The following RRAGD variants were observed in gnomAD, a reference collection of about 807,000 sequenced individuals.
RRAGD encodes the protein Ras related GTP binding D, also known as ras-related GTP-binding protein D.
RRAGD carries 12 observed loss-of-function variants against 35.5 expected under a neutral mutation model. The observed-to-expected ratio is 0.34, with a 90% CI of 0.22 to 0.55. The LOEUF is 0.55. Among genes scored for constraint, RRAGD ranks in the 20% least tolerant of loss-of-function variants. The probability of loss-of-function intolerance (pLI) is 0.91; values close to 1 mark genes in which losing one functional copy is unlikely to be tolerated. For missense variants in RRAGD, 324 were observed against 490.1 expected, an observed-to-expected ratio of 0.66 and a Z score of 3.20; for synonymous variants, 155 against 178.9, an observed-to-expected ratio of 0.87 and a Z score of 1.07.
chr6:89,370,002 C>T (rs1768828707), intron 6 of RRAGD, among the ~76,000 whole-genome samples: 1 of 152,282 alleles, frequency 6.6e-6, no homozygotes, highest in African/African-American at 2.4e-5. Context: ...CACCCAGGCA[C>T]CAGGCACACC....
chr6:89,410,362 C>T (rs971352914), intron 1 of RRAGD, among the ~76,000 whole-genome samples: 1 of 152,202 alleles, frequency 6.6e-6, no homozygotes, highest in Non-Finnish European at 1.5e-5. Context: ...CCCTATTCTG[C>T]ATCTCTCCGG....
At chr6:89,379,550 T>C (rs1271486622) in intron 3 of RRAGD, among the ~76,000 whole-genome samples, 1 of 152,228 alleles carries the variant, frequency 6.6e-6, no homozygotes, top group African/African-American at 2.4e-5. Flanking sequence ...TCTCATCTGC[T>C]GTGCCTATTC....
chr6:89,389,046 C>T (rs1348126804), intron 1 of RRAGD, among the ~76,000 whole-genome samples: 1 of 152,138 alleles, frequency 6.6e-6, no homozygotes, highest in Non-Finnish European at 1.5e-5. Flanking sequence ...TTCGCTTGCT[C>T]CCCCACTGCT....
intron 1 of RRAGD, among the ~76,000 whole-genome samples, chr6:89,406,649 C>A (rs1769585190): frequency 6.6e-6 from 1 of 152,192 alleles, no homozygotes; most frequent in African/African-American, 2.4e-5. Flanking sequence ...ATCTTGCACT[C>A]ATTCTCCAAG....
rs1003782957 is a variant in RRAGD at position 89,411,945 on chromosome 6, C to T, written c.49G>A (p.Glu17Lys). ...KPQPQDEDDA[E>K]EEEEEDELVG... is the part of the protein sequence containing the mutation. ...AGCTCATCCTCCTCCTCCTCCTCCT[C>T]CGCGTCGTCCTCGTCCTGCGGCTGC... Residue 17 changes from glutamate to lysine, a missense_variant, in exon 1 of 7, where the codon GAG (glutamate) becomes AAG (lysine). Transcript: ENST00000369415. This position sits in a 1 kb window ranked among gnomAD's most constrained non-coding sequence, Gnocchi z 5.6. 4.5e-6 allele frequency: 7 copies of T among 1,539,862 alleles called. No homozygotes were observed. Among genetic ancestry groups the T allele is most frequent in the Non-Finnish European group, 6.1e-6 (7 of 1,146,368 alleles).
At chr6:89,371,943 A>G (rs1348541459) in intron 6 of RRAGD, among the ~76,000 whole-genome samples, 1 of 152,200 alleles carries the variant, frequency 6.6e-6, no homozygotes, top group Non-Finnish European at 1.5e-5. Flanking sequence ...TGTGTTCTGA[A>G]GATTTAAGAA....
chr6:89,412,111 GCCCGGCGGAAGCGGGGGCCGCGCGT>G lies in RRAGD; in HGVS notation c.-143_-119del. The G allele has an allele frequency of 9.8e-7, 1 of 1,016,362 alleles. No individual in the cohort carries two copies. The highest frequency in any genetic ancestry group is 1.3e-6 in the Non-Finnish European group (1 of 779,440). The allele number at this position is 1,016,362 out of a possible 1,614,324, so 63.0% of individuals were successfully genotyped here. ...GGAGGTTTGTCTAGAGCTCAGCGGG[GCCCGGCGGAAGCGGGGGCCGCGCGT>G]CCCCCGGCGGGCGGCGCCCAGGTCC... On this transcript the variant is annotated 5_prime_UTR_variant, in exon 1 of 7. Coordinates refer to ENST00000369415, the MANE Select transcript of RRAGD (RefSeq NM_021244.5). The surrounding 1 kb of genome is among the most constrained non-coding windows in gnomAD (Gnocchi z 4.2).
At chr6:89,378,501 CG>C (rs1754257389) in intron 4 of RRAGD, among the ~76,000 whole-genome samples, 1 of 152,132 alleles carries the variant, frequency 6.6e-6, no homozygotes, top group African/African-American at 2.4e-5. Context: ...ACAGAGTAAA[CG>C]TGAGTATAAC....
chr6:89,411,809 G>GGGGCGCGAGCCGAGGACGCGGGGGCC lies in RRAGD; in HGVS notation c.148+11_148+36dup, dbSNP rs766491620. The stretch of plus-strand genomic sequence containing the variant: ...GCGGGAAGGCGCCAAGGGGAGGAAA[G>GGGGCGCGAGCCGAGGACGCGGGGGCC]GGGCGCGAGCCGAGGACGCGGGGGC... On this transcript the variant is annotated intron_variant, in intron 1 of 6. Transcript: ENST00000369415. This position sits in a 1 kb window ranked among gnomAD's most constrained non-coding sequence, Gnocchi z 5.6. The GGGGCGCGAGCCGAGGACGCGGGGGCC allele has an allele frequency of 3.6e-5, 55 of 1,530,126 alleles. No homozygotes were observed. The highest frequency in any genetic ancestry group is 3.8e-5 in the Non-Finnish European group (44 of 1,143,080). The allele number at this position is 1,530,126 out of a possible 1,614,324, so 94.8% of individuals were successfully genotyped here. A position where few individuals can be genotyped will look rare whatever the true frequency, so the allele number is the denominator to read the frequency against.
intron 5 of RRAGD, among the ~76,000 whole-genome samples, chr6:89,374,338 G>T (rs546225844): frequency 5.6e-4 from 85 of 152,304 alleles, no homozygotes; most frequent in Middle Eastern, 3.4e-3. Flanking sequence ...ACAGTATCAA[G>T]CCAGATTTAA....
intron 3 of RRAGD, among the ~76,000 whole-genome samples, 191 bp downstream of exon 3, chr6:89,379,977 A>G (rs888682378): frequency 2.0e-5 from 3 of 152,222 alleles, no homozygotes; most frequent in South Asian, 4.1e-4. Flanking sequence ...ACAAAAAAAC[A>G]TCGCTTTCAC....
chr6:89,398,220 GA>G (rs1019866557), intron 1 of RRAGD, among the ~76,000 whole-genome samples: 80 of 152,276 alleles, frequency 5.3e-4, no homozygotes, highest in African/African-American at 1.9e-3. Context: ...AGAAGTATGG[GA>G]AAACGTTTGG....
At chr6:89,387,917 C>A (rs1312647544) in intron 1 of RRAGD, among the ~76,000 whole-genome samples, 1 of 151,982 alleles carries the variant, frequency 6.6e-6, no homozygotes, top group Non-Finnish European at 1.5e-5. Flanking sequence ...GACTCAGGAG[C>A]GTGAAGAGAG....
intron 6 of RRAGD, among the ~76,000 whole-genome samples, chr6:89,368,584 T>G (rs747803664): frequency 5.9e-5 from 9 of 152,196 alleles, no homozygotes; most frequent in Non-Finnish European, 8.8e-5. Flanking sequence ...CAAAGGGCAT[T>G]ATTAGACTGA....
At chr6:89,384,345 G>A (rs1264605935) in intron 2 of RRAGD, among the ~76,000 whole-genome samples, 2 of 152,060 alleles carry the variant, frequency 1.3e-5, no homozygotes, top group African/African-American at 2.4e-5. Context: ...TTTTATGTGT[G>A]GTTTTTTTCT....
At chr6:89,370,611 A>G (rs1404269396) in intron 6 of RRAGD, among the ~76,000 whole-genome samples, 1 of 152,234 alleles carries the variant, frequency 6.6e-6, no homozygotes, top group African/African-American at 2.4e-5. Context: ...AAAGATGCAC[A>G]TAAATATTTA....
chr6:89,403,104 T>C (rs1368173158), intron 1 of RRAGD, among the ~76,000 whole-genome samples: 2 of 152,170 alleles, frequency 1.3e-5, no homozygotes, highest in African/African-American at 4.8e-5. Context: ...TAAAAACATA[T>C]TAAGACAGAT....
intron 1 of RRAGD, among the ~76,000 whole-genome samples, chr6:89,401,599 C>T (rs1412540784): frequency 6.6e-6 from 1 of 151,704 alleles, no homozygotes; most frequent in African/African-American, 2.4e-5. Flanking sequence ...TCTTTTCCCC[C>T]TCACCCATGC....
In RRAGD at chr6:89,407,301, T is replaced by TA. The variant is rs780186861; in HGVS notation, c.148+4544dup. 9.2e-5 allele frequency among the ~76,000 whole-genome samples: 14 copies of TA among 152,032 alleles called. No homozygotes were observed. In the East Asian group the frequency reaches 1.9e-3, roughly 21 times the overall value. On this transcript the variant is annotated intron_variant, in intron 1 of 6. Transcript: ENST00000369415. ...GGAGGGAGAACAAAAAATATTTTTT[T>TA]AAAAAATAAAAGGATACCAAAAGAA... is the stretch of plus-strand genomic sequence containing the variant.
Sources: gnomAD v4.1 joint callset for allele counts (sites outside exome capture counted in the v4.1 genomes callset) on GRCh38, gnomAD v4.1.1 for gene constraint, Gnocchi (gnomAD v3.1) non-coding constraint, MANE v1.5 for transcripts, NCBI Gene and HGNC (gene_info 2026-07-23, HGNC 2026-07-21) for gene names.